PPP2R2C: variants seen among roughly 807,000 people sequenced by gnomAD.
PPP2R2C encodes protein phosphatase 2, regulatory subunit B, gamma.
In PPP2R2C, 10 loss-of-function variants were observed where a neutral mutation model predicts 45.3. That is an observed-to-expected ratio of 0.22 (90% confidence interval 0.14 to 0.37). The LOEUF (loss-of-function observed/expected upper bound fraction) is 0.37. PPP2R2C is among the 10% of genes least tolerant of loss of function. The pLI, the probability that PPP2R2C is intolerant of heterozygous loss-of-function variation, is 1.00. For missense variants in PPP2R2C, 308 were observed against 619.7 expected (o/e 0.50, Z 5.34); for synonymous variants, 257 against 245.4 (o/e 1.05, Z -0.44).
intron 2 of PPP2R2C, among the ~76,000 whole-genome samples, chr4:6,514,425 T>C (rs544478068): frequency 1.2e-4 from 19 of 152,266 alleles, no homozygotes; most frequent in Admixed American, 1.0e-3. Context: ...GAAGAGGTGA[T>C]TGGTGATCAA....
At chr4:6,521,140 G>A (rs1724004648) in intron 2 of PPP2R2C, among the ~76,000 whole-genome samples, 2 of 152,176 alleles carry the variant, frequency 1.3e-5, no homozygotes, top group Non-Finnish European at 1.5e-5. Flanking sequence ...GCGTCTGTCT[G>A]ACTCCAAGCC....
chr4:6,440,723 T>C (rs1297025398), intron 1 of PPP2R2C, among the ~76,000 whole-genome samples: 1 of 152,220 alleles, frequency 6.6e-6, no homozygotes, highest in Non-Finnish European at 1.5e-5. Context: ...CTGGCATAGC[T>C]GATGGACGCC....
At chr4:6,512,118 G>A (rs1577231078) in intron 2 of PPP2R2C, among the ~76,000 whole-genome samples, 1 of 59,304 alleles carries the variant, frequency 1.7e-5, no homozygotes, top group Admixed American at 2.0e-4. Context: ...TGGTGATGGT[G>A]GGGGTGGTGG....
intron 1 of PPP2R2C, among the ~76,000 whole-genome samples, chr4:6,392,280 T>A (rs1716700040): frequency 6.6e-6 from 1 of 152,220 alleles, no homozygotes; most frequent in Non-Finnish European, 1.5e-5. Context: ...TCCTCAGCAC[T>A]GTTGCATACA....
Position 6,472,394 on chromosome 4 carries a change from C to A in PPP2R2C, c.-165G>T. ...GCGGCAGGGGGACGGGCGGGGGCGGCCGGGGGCGGGCGCCGCGGTCAAGCG... is the reference window on the plus strand; with the variant it reads ...GCGGCAGGGGGACGGGCGGGGGCGGACGGGGGCGGGCGCCGCGGTCAAGCG... On this transcript the variant is annotated 5_prime_UTR_variant, in exon 1 of 9. Coordinates refer to ENST00000382599, the MANE Select transcript of PPP2R2C (RefSeq NM_020416.4). 1 of 897,956 alleles carries A rather than the reference C, an allele frequency of 1.1e-6. No individual in the cohort carries two copies. The highest frequency in any genetic ancestry group is 1.3e-6 in the Non-Finnish European group (1 of 749,638). 55.6% of individuals were successfully genotyped at this position (897,956 alleles called of 1,614,324 possible). A position where few individuals can be genotyped will look rare whatever the true frequency, so the allele number is the denominator to read the frequency against.
chr4:6,368,233 C>T lies in PPP2R2C; in HGVS notation c.625+4290G>A, dbSNP rs1185508373. 6.6e-6 allele frequency among the ~76,000 whole-genome samples: 1 copy of T among 152,198 alleles called. No individual in the cohort carries two copies. Among genetic ancestry groups the T allele is most frequent in the Non-Finnish European group, 1.5e-5 (1 of 68,034 alleles). ...TGTCTACATCCTCACTTGGCAAAAA[C>T]CACACCCCTGGCTTACCCTCCACCG... On this transcript the variant is annotated intron_variant, in intron 5 of 8. Coordinates refer to ENST00000382599, the MANE Select transcript of PPP2R2C (RefSeq NM_020416.4). The surrounding 1 kb of genome is among the most constrained non-coding windows in gnomAD (Gnocchi z 4.2).
chr4:6,379,538 A>C (rs1205864772), intron 2 of PPP2R2C, among the ~76,000 whole-genome samples: 1 of 152,266 alleles, frequency 6.6e-6, no homozygotes, highest in African/African-American at 2.4e-5. Flanking sequence ...TGGGACTAGA[A>C]GGAAGAAAAC....
At chr4:6,507,937 G>A (rs1017245335) in intron 2 of PPP2R2C, among the ~76,000 whole-genome samples, 3 of 152,116 alleles carry the variant, frequency 2.0e-5, no homozygotes, top group East Asian at 1.9e-4. Context: ...ATCCTTAGAC[G>A]ACAAATCAAA....
intron 2 of PPP2R2C, among the ~76,000 whole-genome samples, chr4:6,511,503 G>A (rs1160778900): frequency 2.0e-4 from 12 of 60,858 alleles, no homozygotes; most frequent in African/African-American, 4.6e-4. Flanking sequence ...TGATGGCGGT[G>A]ATGGTGGTGG....
At chr4:6,383,242 C>G in intron 1 of PPP2R2C, 1 of 1,201,912 alleles carries the variant, frequency 8.3e-7, no homozygotes, top group Non-Finnish European at 1.1e-6. Flanking sequence ...AGAACCCCCC[C>G]AACCCCCGGC....
intron 1 of PPP2R2C, among the ~76,000 whole-genome samples, chr4:6,541,692 C>G (rs1381557352): frequency 6.6e-6 from 1 of 152,146 alleles, no homozygotes; most frequent in African/African-American, 2.4e-5. Context: ...ATTACAGACA[C>G]CTGCCATCAC....
Position 6,355,993 on chromosome 4 carries a change from G to GAAAAAAA in PPP2R2C, c.626-7990_626-7984dup, listed in dbSNP as rs61011461. The stretch of plus-strand genomic sequence containing the variant: ...GGGTGACAGAGTGAGACTCTGCCTG[G>GAAAAAAA]AAAAAAAAAAAAAAAAAAAAAAAGA... On this transcript the variant is annotated intron_variant, in intron 5 of 8. Transcript: ENST00000382599. 3.4e-3 allele frequency among the ~76,000 whole-genome samples: 337 copies of GAAAAAAA among 97,846 alleles called. 13 individuals are homozygous for GAAAAAAA. Among genetic ancestry groups the GAAAAAAA allele is most frequent in the Middle Eastern group, 0.021 (3 of 146 alleles). The allele number at this position is 97,846 out of a possible 152,430, so 64.2% of individuals were successfully genotyped here. A position where few individuals can be genotyped will look rare whatever the true frequency, so the allele number is the denominator to read the frequency against.
chr4:6,515,132 C>T (rs1340769081), intron 2 of PPP2R2C, among the ~76,000 whole-genome samples: 3 of 152,182 alleles, frequency 2.0e-5, no homozygotes, highest in African/African-American at 7.2e-5. Flanking sequence ...GACACAATTC[C>T]ACCCACAACA....
intron 2 of PPP2R2C, among the ~76,000 whole-genome samples, chr4:6,487,284 T>A (rs751021588): frequency 1.3e-5 from 2 of 151,878 alleles, no homozygotes; most frequent in East Asian, 3.8e-4. Context: ...ATATCCGACC[T>A]ATGTAGTTAC....
intron 2 of PPP2R2C, among the ~76,000 whole-genome samples, chr4:6,512,391 G>A (rs1375431002): frequency 1.4e-5 from 2 of 138,384 alleles, no homozygotes; most frequent in African/African-American, 2.7e-5. Flanking sequence ...TGGTGGTGAT[G>A]GTGGTGGTGG....
chr4:6,461,360 AG>A (rs1399574846), intron 1 of PPP2R2C, among the ~76,000 whole-genome samples: 1 of 152,180 alleles, frequency 6.6e-6, no homozygotes, highest in Non-Finnish European at 1.5e-5. Context: ...ACCAAGATGC[AG>A]GTTCTTCCCA....
chr4:6,522,204 T>C (rs1279967152), intron 2 of PPP2R2C, among the ~76,000 whole-genome samples: 1 of 152,092 alleles, frequency 6.6e-6, no homozygotes, highest in Non-Finnish European at 1.5e-5. Context: ...AGGAAGAGGG[T>C]ATCTGGGACT....
At chr4:6,499,607 C>T (rs905063252) in intron 2 of PPP2R2C, among the ~76,000 whole-genome samples, 4 of 152,108 alleles carry the variant, frequency 2.6e-5, no homozygotes, top group Admixed American at 6.5e-5. Flanking sequence ...TCAGTTCTGC[C>T]TAATGGGTCA....
chr4:6,383,345 A>C, intron 1 of PPP2R2C: 1 of 1,289,116 alleles, frequency 7.8e-7, no homozygotes, highest in Non-Finnish European at 1.0e-6. Flanking sequence ...AAGATGATGA[A>C]AACATTTACT....
Sources: gnomAD v4.1 joint callset for allele counts (sites outside exome capture counted in the v4.1 genomes callset) on GRCh38, gnomAD v4.1.1 for gene constraint, Gnocchi (gnomAD v3.1) non-coding constraint, MANE v1.5 for transcripts, NCBI Gene and HGNC (gene_info 2026-07-23, HGNC 2026-07-21) for gene names.